NCALD: variants seen among roughly 807,000 people sequenced by gnomAD.
NCALD encodes neurocalcin-delta.
NCALD carries 10 observed loss-of-function variants against 18.6 expected under a neutral mutation model. That is an observed-to-expected ratio of 0.54 (90% CI 0.33 to 0.91). NCALD has a LOEUF of 0.91. Among genes scored for constraint, NCALD ranks in the 40% least tolerant of loss-of-function variants. The pLI is 0.03. For missense variants in NCALD, 184 were observed against 247.6 expected (o/e 0.74, Z 1.72); for synonymous variants, 88 against 87.4 (o/e 1.01, Z -0.04).
At chr8:101,705,946 T>C (rs147304509) in intron 2 of NCALD, among the ~76,000 whole-genome samples, 173 of 152,312 alleles carry the variant, frequency 1.1e-3, no homozygotes, top group African/African-American at 3.9e-3. Flanking sequence ...TTGGTTTCAA[T>C]ATGCAGAATA....
At chr8:101,721,957 T>G (rs535523368) in intron 1 of NCALD, among the ~76,000 whole-genome samples, 1 of 151,566 alleles carries the variant, frequency 6.6e-6, no homozygotes, top group Non-Finnish European at 1.5e-5. Flanking sequence ...TCCTCCTGCC[T>G]CAGCCTCCCA....
At chr8:101,755,649 G>A (rs575005735) in intron 1 of NCALD, among the ~76,000 whole-genome samples, 8 of 152,186 alleles carry the variant, frequency 5.3e-5, no homozygotes, top group Non-Finnish European at 1.0e-4. Context: ...AGAAACCAGG[G>A]AATAGGTTTT....
chr8:101,872,213 A>T (rs1816049112), intron 4 of NCALD: 1 of 1,523,248 alleles, frequency 6.6e-7, no homozygotes, highest in Admixed American at 1.7e-5. Context: ...ATGACCCACA[A>T]GCCCTCACTG....
At chr8:101,791,338 T>C (rs548798815), upstream of NCALD, among the ~76,000 whole-genome samples, 4 of 152,326 alleles carry the variant, frequency 2.6e-5, no homozygotes, top group African/African-American at 9.6e-5. Flanking sequence ...CATGTCTCTC[T>C]CTCTCTCTTT....
intron 4 of NCALD, among the ~76,000 whole-genome samples, chr8:101,796,003 G>A (rs1378785393): frequency 6.6e-6 from 1 of 152,204 alleles, no homozygotes; most frequent in Non-Finnish European, 1.5e-5. Context: ...GAGTTTGGCA[G>A]TCGTGTAGTG....
At chr8:101,895,584 G>C (rs1326677454) in intron 3 of NCALD, among the ~76,000 whole-genome samples, 1 of 149,504 alleles carries the variant, frequency 6.7e-6, no homozygotes, top group African/African-American at 2.5e-5. Context: ...GTCCCTGTTT[G>C]CAGATGACAT....
chr8:102,025,063 G>A (rs1479594639), intron 1 of NCALD, among the ~76,000 whole-genome samples: 1 of 152,128 alleles, frequency 6.6e-6, no homozygotes, highest in Non-Finnish European at 1.5e-5. Context: ...TGTATGACCT[G>A]TCCCCTGCCT....
At chr8:102,041,103 G>A (rs950619129) in intron 1 of NCALD, among the ~76,000 whole-genome samples, 5 of 152,160 alleles carry the variant, frequency 3.3e-5, no homozygotes, top group Admixed American at 3.3e-4. Context: ...CTTACTGGTA[G>A]GAGAAAATAG....
chr8:101,747,813 G>A (rs1810490017), intron 1 of NCALD, among the ~76,000 whole-genome samples: 1 of 151,848 alleles, frequency 6.6e-6, no homozygotes. Context: ...TCCCTCCTGG[G>A]TTCAAGTGAT....
At position 101,708,068 on chromosome 8, in the gene NCALD, G is replaced by A. The variant is rs369542790; in HGVS notation, c.378+11184C>T. ...TGATGTCAGCCTTTGGATGCTTTTC[G>A]AAAGGCTCTAACTTGAACTTAAGAA... On this transcript the variant is annotated intron_variant, in intron 2 of 3. Transcript: ENST00000220931. 3.0e-4 allele frequency among the ~76,000 whole-genome samples: 46 copies of A among 152,218 alleles called. 3 individuals are homozygous for A. The South Asian group carries it at 8.5e-3, about 28-fold the overall frequency.
intron 2 of NCALD, among the ~76,000 whole-genome samples, chr8:101,935,945 G>T (rs1389474711): frequency 1.3e-5 from 2 of 152,106 alleles, no homozygotes; most frequent in African/African-American, 4.8e-5. Flanking sequence ...CGGAGCACAC[G>T]ATTAGTGCTG....
intron 1 of NCALD, among the ~76,000 whole-genome samples, chr8:102,046,081 C>G (rs964949147): frequency 6.6e-6 from 1 of 152,188 alleles, no homozygotes; most frequent in Non-Finnish European, 1.5e-5. Flanking sequence ...TTTTTCAGAT[C>G]ACAGTTAATG....
At chr8:101,900,950 G>T in intron 3 of NCALD, among the ~76,000 whole-genome samples, 1 of 151,898 alleles carries the variant, frequency 6.6e-6, no homozygotes, top group African/African-American at 2.4e-5. Flanking sequence ...CTCTTATTAT[G>T]AATTTGCCTA....
At chr8:102,084,591 C>T (rs1824672488) in intron 1 of NCALD, among the ~76,000 whole-genome samples, 1 of 152,170 alleles carries the variant, frequency 6.6e-6, no homozygotes, top group Non-Finnish European at 1.5e-5. Flanking sequence ...CAGTGGCCTG[C>T]CAGCACTTGG....
chr8:101,878,962 C>T (rs1316335551), intron 4 of NCALD, among the ~76,000 whole-genome samples: 1 of 152,218 alleles, frequency 6.6e-6, no homozygotes, highest in Non-Finnish European at 1.5e-5. Flanking sequence ...GACAGCACCA[C>T]TTAAAATGTG....
In NCALD at chr8:101,961,986, A is replaced by T. The variant is rs139823691; in HGVS notation, c.-156-46128T>A. Reference sequence around the variant, plus strand: ...ATATTTAGTGAAATTTCAAAACCCTAGATGAAAATCTACAGTCCAAGAGAC... The same window carrying T: ...ATATTTAGTGAAATTTCAAAACCCTTGATGAAAATCTACAGTCCAAGAGAC... On this transcript the variant is annotated intron_variant, in intron 2 of 6. Transcript: ENST00000311028. Among the ~76,000 whole-genome samples the T allele has an allele frequency of 3.9e-5, 6 of 152,210 alleles. No homozygotes were observed. The East Asian group carries it at 9.6e-4, about 24-fold the overall frequency.
At chr8:101,862,700 T>G (rs936871506) in intron 4 of NCALD, among the ~76,000 whole-genome samples, 1 of 152,228 alleles carries the variant, frequency 6.6e-6, no homozygotes, top group Non-Finnish European at 1.5e-5. Context: ...GCTAGTTTTC[T>G]CTAACAGGGA....
At chr8:101,894,734 C>A (rs1266697827) in intron 3 of NCALD, among the ~76,000 whole-genome samples, 3 of 151,348 alleles carry the variant, frequency 2.0e-5, no homozygotes, top group African/African-American at 4.9e-5. Flanking sequence ...ACTACAAACA[C>A]CTCTACGGAA....
At chr8:101,794,655 G>A (rs896675702), upstream of NCALD, among the ~76,000 whole-genome samples, 1 of 152,096 alleles carries the variant, frequency 6.6e-6, no homozygotes, top group Admixed American at 6.6e-5. Context: ...ATTTTTCTAA[G>A]TACTATACAT....
Sources: allele counts gnomAD v4.1 joint callset (sites outside exome capture counted in the v4.1 genomes callset), GRCh38; gene constraint gnomAD v4.1.1; transcripts MANE v1.5; gene names NCBI Gene and HGNC (gene_info 2026-07-23, HGNC 2026-07-21).